CNTN1: variants seen among roughly 807,000 people sequenced by gnomAD.
The protein encoded by CNTN1 is contactin-1.
In CNTN1, 38 loss-of-function variants were observed where a neutral mutation model predicts 126.4. That is an observed-to-expected ratio of 0.30 (90% CI 0.23 to 0.39). CNTN1 has a LOEUF of 0.39. CNTN1 is among the 10% of genes least tolerant of loss of function. The pLI, the probability that CNTN1 is intolerant of heterozygous loss-of-function variation, is 1.00. For missense variants in CNTN1, 1,009 were observed against 1,248.4 expected (o/e 0.81, Z 2.89); for synonymous variants, 413 against 422.6 (o/e 0.98, Z 0.28).
intron 21 of CNTN1, among the ~76,000 whole-genome samples, chr12:41,026,749 T>C (rs1231065531): frequency 6.6e-6 from 1 of 152,188 alleles, no homozygotes; most frequent in Non-Finnish European, 1.5e-5. Flanking sequence ...TGAAAGATTT[T>C]AAAACAGAGA....
chr12:40,708,957 C>A (rs1941839915), intron 1 of CNTN1, among the ~76,000 whole-genome samples: 2 of 152,216 alleles, frequency 1.3e-5, no homozygotes, highest in South Asian at 4.1e-4. Flanking sequence ...CTTCCAAACT[C>A]CTGTTAATAC....
At chr12:40,852,821 A>C (rs1414035799) in intron 1 of CNTN1, among the ~76,000 whole-genome samples, 2 of 151,360 alleles carry the variant, frequency 1.3e-5, no homozygotes, top group Non-Finnish European at 2.9e-5. Flanking sequence ...TTCCTTTATT[A>C]ATTTTCATGA....
chr12:41,052,177 A>G (rs1001776069), intron 23 of CNTN1, among the ~76,000 whole-genome samples: 1 of 152,164 alleles, frequency 6.6e-6, no homozygotes, highest in African/African-American at 2.4e-5. Flanking sequence ...TATCTGCCCA[A>G]CTAGACTGTT....
At chr12:40,816,855 T>C (rs1941272429) in intron 1 of CNTN1, among the ~76,000 whole-genome samples, 1 of 152,212 alleles carries the variant, frequency 6.6e-6, no homozygotes, top group South Asian at 2.1e-4. Context: ...TTTGTTCTCA[T>C]TGGTTTCAAA....
intron 1 of CNTN1, among the ~76,000 whole-genome samples, chr12:40,773,343 A>G (rs568270611): frequency 6.6e-6 from 1 of 151,730 alleles, no homozygotes; most frequent in African/African-American, 2.4e-5. Context: ...TTTAGTTTTA[A>G]TTTTACATTC....
intron 16 of CNTN1, among the ~76,000 whole-genome samples, chr12:40,990,796 C>T (rs1403001185): frequency 6.6e-6 from 1 of 152,168 alleles, no homozygotes; most frequent in Admixed American, 6.5e-5. Context: ...CCCAGTGTAG[C>T]CTTGACTATC....
At chr12:40,882,107 T>A (rs549981313) in intron 1 of CNTN1, among the ~76,000 whole-genome samples, 1 of 151,758 alleles carries the variant, frequency 6.6e-6, no homozygotes, top group East Asian at 1.9e-4. Flanking sequence ...TAGGCAGAAG[T>A]AGAAAAAGAA....
intron 15 of CNTN1, among the ~76,000 whole-genome samples, chr12:40,980,448 C>CAAAAAAAAA: frequency 7.8e-6 from 1 of 128,596 alleles, no homozygotes; most frequent in Non-Finnish European, 1.6e-5. Flanking sequence ...GACCCTAACT[C>CAAAAAAAAA]AAAAAAAAAA....
chr12:40,885,452 A>T (rs1009596785), intron 1 of CNTN1, among the ~76,000 whole-genome samples: 2 of 151,974 alleles, frequency 1.3e-5, no homozygotes, highest in African/African-American at 4.8e-5. Context: ...TTGGTAGAGT[A>T]CTTAAGCACA....
intron 15 of CNTN1, among the ~76,000 whole-genome samples, chr12:40,963,467 T>C (rs1947181702): frequency 1.3e-5 from 2 of 152,022 alleles, no homozygotes; most frequent in Admixed American, 6.6e-5. Flanking sequence ...ATAATATACC[T>C]GAAGGAATTT....
intron 1 of CNTN1, among the ~76,000 whole-genome samples, chr12:40,805,206 T>C (rs1213590275): frequency 6.6e-6 from 1 of 152,054 alleles, no homozygotes; most frequent in Non-Finnish European, 1.5e-5. Flanking sequence ...GTGTATTTTC[T>C]TCTTTTTGGA....
chr12:41,059,453 A>AG (rs1274222588), intron 23 of CNTN1, among the ~76,000 whole-genome samples: 8 of 152,182 alleles, frequency 5.3e-5, no homozygotes, highest in African/African-American at 1.9e-4. Flanking sequence ...CATTACATTA[A>AG]GGAAGGCGGC....
chr12:40,729,095 G>T (rs1012686598), intron 1 of CNTN1: 2 of 178,982 alleles, frequency 1.1e-5, no homozygotes, highest in African/African-American at 4.7e-5. Flanking sequence ...CAAGACTGGT[G>T]CCAAGTTATA....
At chr12:41,049,628 C>G (rs1370008534) in intron 23 of CNTN1, among the ~76,000 whole-genome samples, 4 of 152,204 alleles carry the variant, frequency 2.6e-5, no homozygotes, top group Non-Finnish European at 5.9e-5. Context: ...GTGCTTAACA[C>G]CTACAATTCA....
At chr12:40,955,006 G>A (rs1183504264) in intron 14 of CNTN1, among the ~76,000 whole-genome samples, 3 of 152,030 alleles carry the variant, frequency 2.0e-5, no homozygotes, top group Non-Finnish European at 2.9e-5. Context: ...GATACCACAT[G>A]AATCGAAGAC....
intron 1 of CNTN1, among the ~76,000 whole-genome samples, chr12:40,767,124 T>C (rs1023995517): frequency 6.6e-6 from 1 of 152,076 alleles, no homozygotes; most frequent in Non-Finnish European, 1.5e-5. Context: ...CAAGGAAATA[T>C]ATATTTTTAA....
At chr12:41,057,104 AT>A (rs1256695154) in intron 23 of CNTN1, among the ~76,000 whole-genome samples, 1 of 139,932 alleles carries the variant, frequency 7.1e-6, no homozygotes, top group Non-Finnish European at 1.5e-5. Context: ...ATATTTAGAT[AT>A]TTATAAATAT....
At chr12:40,902,144 G>A (rs910002517) in intron 1 of CNTN1, among the ~76,000 whole-genome samples, 21 of 152,156 alleles carry the variant, frequency 1.4e-4, no homozygotes, top group African/African-American at 4.3e-4. Context: ...TCATGTATTC[G>A]TTTCATGCAT....
Position 40,922,372 on chromosome 12 carries a change from T to C in CNTN1, c.344T>C (p.Leu115Ser). ...KQKDAGIYYC[L>S]ASNNYGMVRS... ...AAAGATGCTGGAATATACTACTGTT[T>C]AGCATCTAATAACTACGGGATGGTC... is the stretch of plus-strand genomic sequence containing the variant. The change falls in exon 5 of 24, where the codon TTA becomes TCA. Residue 115 changes from leucine (L) to serine (S), a missense_variant. Transcript: ENST00000551295. 6.2e-7 allele frequency: 1 copy of C among 1,614,062 alleles called. No homozygotes were observed. Among genetic ancestry groups the C allele is most frequent in the Non-Finnish European group, 8.5e-7 (1 of 1,179,938 alleles).
Sources: allele counts gnomAD v4.1 joint callset (sites outside exome capture counted in the v4.1 genomes callset), GRCh38; gene constraint gnomAD v4.1.1; transcripts MANE v1.5; gene names NCBI Gene and HGNC (gene_info 2026-07-23, HGNC 2026-07-21).